The following UNC5C variants were observed in gnomAD, a reference collection of about 807,000 sequenced individuals.
UNC5C encodes unc-5 netrin receptor C.
Under a neutral mutation model 99.8 loss-of-function variants are expected in UNC5C, and 47 were observed. The observed-to-expected ratio is 0.47, with a 90% CI of 0.37 to 0.60. The LOEUF (loss-of-function observed/expected upper bound fraction) is 0.60. Ranked by LOEUF, UNC5C falls within the 20% of genes least tolerant of loss-of-function variation. UNC5C has a pLI of 0.00. For synonymous variants in UNC5C, 487 were observed against 452.2 expected (o/e 1.08, Z -0.98); for missense variants, 1,062 against 1,165.9 (o/e 0.91, Z 1.30).
chr4:95,383,358 C>T (rs1285263518), intron 1 of UNC5C, among the ~76,000 whole-genome samples: 2 of 152,062 alleles, frequency 1.3e-5, no homozygotes, highest in Non-Finnish European at 2.9e-5. Context: ...TGAACAAGCA[C>T]ATTCAATTAT....
At chr4:95,496,238 T>C (rs571136793) in intron 1 of UNC5C, among the ~76,000 whole-genome samples, 1 of 151,920 alleles carries the variant, frequency 6.6e-6, no homozygotes, top group African/African-American at 2.4e-5. Flanking sequence ...AAGAAACATT[T>C]ACTGAGCCTC....
chr4:95,176,374 T>G (rs1190359159), intron 14 of UNC5C, among the ~76,000 whole-genome samples: 2 of 151,856 alleles, frequency 1.3e-5, no homozygotes, highest in African/African-American at 4.8e-5. Context: ...CTTTGTGGTT[T>G]TATCTACTTT....
At chr4:95,374,363 T>G (rs1034525290) in intron 1 of UNC5C, among the ~76,000 whole-genome samples, 1 of 152,192 alleles carries the variant, frequency 6.6e-6, no homozygotes, top group Non-Finnish European at 1.5e-5. Flanking sequence ...TTATCATTCT[T>G]TAAGTGCTTT....
At chr4:95,227,953 G>A (rs779523585) in intron 7 of UNC5C, among the ~76,000 whole-genome samples, 6 of 152,178 alleles carry the variant, frequency 3.9e-5, no homozygotes, top group Non-Finnish European at 8.8e-5. Flanking sequence ...ATTTAGACTA[G>A]AGGTGAGGTT....
At chr4:95,253,844 C>A (rs1005145953) in intron 4 of UNC5C, among the ~76,000 whole-genome samples, 3 of 152,142 alleles carry the variant, frequency 2.0e-5, no homozygotes, top group Non-Finnish European at 4.4e-5. Context: ...GCTGTAATAC[C>A]AGGGGCTACA....
intron 1 of UNC5C, among the ~76,000 whole-genome samples, chr4:95,354,479 A>ATATATATATATAT: frequency 2.7e-5 from 3 of 110,344 alleles, no homozygotes; most frequent in African/African-American, 1.2e-4. Flanking sequence ...ATATATATAT[A>ATATATATATATAT]TTTTTTTTTT....
intron 2 of UNC5C, 56 bp from the exon 3 acceptor site, chr4:95,301,805 T>C: frequency 2.5e-6 from 4 of 1,571,570 alleles, no homozygotes; most frequent in East Asian, 2.3e-5. Flanking sequence ...TAAAGAAATA[T>C]AAACCATCAC....
intron 10 of UNC5C, among the ~76,000 whole-genome samples, chr4:95,210,177 G>T (rs1351593249): frequency 1.3e-5 from 2 of 152,154 alleles, no homozygotes; most frequent in Non-Finnish European, 2.9e-5. Flanking sequence ...TTGGAGGAGG[G>T]ATAGCAAGGG....
At chr4:95,342,793 C>A (rs1370103006) in intron 1 of UNC5C, among the ~76,000 whole-genome samples, 1 of 151,218 alleles carries the variant, frequency 6.6e-6, no homozygotes, top group Non-Finnish European at 1.5e-5. Context: ...CAAAGGGGGG[C>A]CCACTGCCCT....
chr4:95,366,767 C>G (rs966010126), intron 1 of UNC5C, among the ~76,000 whole-genome samples: 1 of 152,058 alleles, frequency 6.6e-6, no homozygotes, highest in Non-Finnish European at 1.5e-5. Flanking sequence ...AATTGTTAAG[C>G]GAATTTTTGT....
chr4:95,400,324 C>T (rs1745650251), intron 1 of UNC5C, among the ~76,000 whole-genome samples: 1 of 149,610 alleles, frequency 6.7e-6, no homozygotes, highest in Admixed American at 6.7e-5. Context: ...CAGAGCAGAC[C>T]TTGATCACAG....
chr4:95,438,800 GC>G (rs1380042879), intron 1 of UNC5C, among the ~76,000 whole-genome samples: 1 of 152,104 alleles, frequency 6.6e-6, no homozygotes, highest in Admixed American at 6.6e-5. Context: ...TTCCTAAACA[GC>G]TGATTTTATT....
At chr4:95,359,264 G>A (rs1348371696) in intron 1 of UNC5C, among the ~76,000 whole-genome samples, 1 of 152,162 alleles carries the variant, frequency 6.6e-6, no homozygotes, top group East Asian at 1.9e-4. Flanking sequence ...TTGCCAAGTT[G>A]CCAATTACTT....
At chr4:95,335,714 C>T (rs777351932) in intron 1 of UNC5C, 83 bp from the exon 2 acceptor site, 151 of 1,099,262 alleles carry the variant, frequency 1.4e-4, no homozygotes, top group Admixed American at 3.4e-4. Context: ...AAAATAGTGA[C>T]TTATAAATGC....
chr4:95,447,041 T>G (rs990805352), intron 1 of UNC5C, among the ~76,000 whole-genome samples: 8 of 152,204 alleles, frequency 5.3e-5, no homozygotes, highest in African/African-American at 1.9e-4. Flanking sequence ...ATTATTCATA[T>G]TCATAATACT....
intron 1 of UNC5C, among the ~76,000 whole-genome samples, chr4:95,481,223 A>G (rs1721143916): frequency 1.3e-5 from 2 of 152,042 alleles, no homozygotes; most frequent in South Asian, 2.1e-4. Flanking sequence ...TAACAGACAA[A>G]CAGAGAGCCA....
intron 1 of UNC5C, among the ~76,000 whole-genome samples, chr4:95,364,215 T>C (rs143183099): frequency 2.3e-3 from 353 of 152,302 alleles, no homozygotes; most frequent in African/African-American, 8.1e-3. Context: ...ACTGCTTTCC[T>C]GGCACAGAAC....
At chr4:95,377,843 CTT>C (rs1294283557) in intron 1 of UNC5C, among the ~76,000 whole-genome samples, 2 of 152,070 alleles carry the variant, frequency 1.3e-5, no homozygotes, top group Non-Finnish European at 2.9e-5. Context: ...GTCAAAATAA[CTT>C]TTAAAAGAGT....
At chr4:95,274,751 C>T (rs533817971) in intron 4 of UNC5C, among the ~76,000 whole-genome samples, 12 of 151,836 alleles carry the variant, frequency 7.9e-5, no homozygotes, top group Non-Finnish European at 1.3e-4. Context: ...AGGGGCCAGG[C>T]GTGGTAGCTC....
Sources: gnomAD v4.1 joint callset for allele counts (sites outside exome capture counted in the v4.1 genomes callset) on GRCh38, gnomAD v4.1.1 for gene constraint, MANE v1.5 for transcripts, NCBI Gene and HGNC (gene_info 2026-07-23, HGNC 2026-07-21) for gene names.